Variants in PIK3C2G observed in about 807,000 individuals in gnomAD.
PIK3C2G encodes the protein phosphatidylinositol 3-kinase C2 domain-containing subunit gamma.
PIK3C2G carries 168 observed loss-of-function variants against 181.1 expected under a neutral mutation model. The observed-to-expected ratio is 0.93, with a 90% CI of 0.82 to 1.05. PIK3C2G has a LOEUF of 1.05. PIK3C2G is among the 50% of genes least tolerant of loss of function. The pLI is 0.00. For missense variants in PIK3C2G, 1,869 were observed against 1,732.8 expected (o/e 1.08, Z -1.40); for synonymous variants, 573 against 592.2 (o/e 0.97, Z 0.47).
At chr12:18,516,826 CTCTG>C (rs1184422023) in intron 24 of PIK3C2G, among the ~76,000 whole-genome samples, 3 of 151,718 alleles carry the variant, frequency 2.0e-5, no homozygotes, top group African/African-American at 7.2e-5. Context: ...TAAATTGTTC[CTCTG>C]TCTTTGTCAA....
At chr12:18,606,874 A>C (rs915043171) in intron 30 of PIK3C2G, among the ~76,000 whole-genome samples, 1 of 152,148 alleles carries the variant, frequency 6.6e-6, no homozygotes, top group Admixed American at 6.5e-5. Context: ...GTAAACAATA[A>C]ATTTTTAATT....
the PIK3C2G span, chr12:18,701,631 TC>T: frequency 1.9e-6 from 3 of 1,585,268 alleles, no homozygotes; most frequent in Non-Finnish European, 8.6e-7. Flanking sequence ...CTCCTCCTCC[TC>T]CTCCTCCTCC....
rs1251371295 is a variant in PIK3C2G at position 18,286,934 on chromosome 12, G to C, written c.761+5G>C. On this transcript the variant is annotated splice_donor_5th_base_variant and intron_variant, in intron 3 of 32. Transcript: ENST00000538779. ...TTTTTGCAACAAAGTAAAAAAGTGAGTACTGGTATTTCATTAAACTTTGAA... is the reference window on the plus strand; with the variant it reads ...TTTTTGCAACAAAGTAAAAAAGTGACTACTGGTATTTCATTAAACTTTGAA... 8.0e-6 allele frequency: 12 copies of C among 1,493,062 alleles called. No homozygotes were observed. Among genetic ancestry groups the C allele is most frequent in the African/African-American group, 1.4e-5 (1 of 71,224 alleles). 92.5% of individuals were successfully genotyped at this position (1,493,062 alleles called of 1,614,324 possible).
At chr12:18,309,802 A>G (rs940810735) in intron 5 of PIK3C2G, among the ~76,000 whole-genome samples, 1 of 151,814 alleles carries the variant, frequency 6.6e-6, no homozygotes, top group African/African-American at 2.4e-5. Context: ...TTGTAGCTCC[A>G]GGGTTTTGTA....
chr12:18,374,647 A>G (rs1483027607), intron 13 of PIK3C2G, among the ~76,000 whole-genome samples: 2 of 152,030 alleles, frequency 1.3e-5, no homozygotes, highest in Non-Finnish European at 2.9e-5. Flanking sequence ...ACACTTCACT[A>G]CCCTACAAGA....
intron 18 of PIK3C2G, among the ~76,000 whole-genome samples, chr12:18,485,140 A>G (rs1460984011): frequency 6.6e-6 from 1 of 152,154 alleles, no homozygotes; most frequent in Non-Finnish European, 1.5e-5. Context: ...CCTGCTGTTG[A>G]AAACTAAAAT....
intron 31 of PIK3C2G, among the ~76,000 whole-genome samples, chr12:18,629,483 T>G (rs1949252418): frequency 6.6e-6 from 1 of 152,108 alleles, no homozygotes; most frequent in African/African-American, 2.4e-5. Flanking sequence ...GGAACACAAT[T>G]AGAGATGAAG....
chr12:18,310,860 CAA>C (rs993304148), intron 5 of PIK3C2G, among the ~76,000 whole-genome samples: 6 of 151,802 alleles, frequency 4.0e-5, no homozygotes, highest in African/African-American at 1.4e-4. Flanking sequence ...GATTAAAAGT[CAA>C]AGACTCAAAA....
chr12:18,613,828 T>A (rs1948465306), intron 31 of PIK3C2G, among the ~76,000 whole-genome samples: 2 of 152,010 alleles, frequency 1.3e-5, no homozygotes, highest in Admixed American at 6.6e-5. Context: ...CTACACACAA[T>A]GTGGTGAGTT....
intron 24 of PIK3C2G, among the ~76,000 whole-genome samples, chr12:18,520,263 T>C (rs913937543): frequency 5.3e-5 from 8 of 152,058 alleles, no homozygotes; most frequent in Non-Finnish European, 1.2e-4. Flanking sequence ...AATATTGGCC[T>C]GTCTTGCTAG....
chr12:18,587,876 A>T (rs1467964149), intron 29 of PIK3C2G, among the ~76,000 whole-genome samples: 1 of 152,018 alleles, frequency 6.6e-6, no homozygotes, highest in Non-Finnish European at 1.5e-5. Flanking sequence ...CAGTAACTAA[A>T]ACAGCATGGT....
chr12:18,479,543 C>T (rs1347737547), intron 18 of PIK3C2G, among the ~76,000 whole-genome samples: 1 of 152,108 alleles, frequency 6.6e-6, no homozygotes, highest in Non-Finnish European at 1.5e-5. Flanking sequence ...CCTAACACAG[C>T]TATGCAAAAT....
chr12:18,291,476 G>A (rs2137199780), intron 4 of PIK3C2G, among the ~76,000 whole-genome samples: 1 of 152,090 alleles, frequency 6.6e-6, no homozygotes, highest in African/African-American at 2.4e-5. Context: ...ACCTCCATCA[G>A]AATTAGCAAA....
chr12:18,533,779 C>A (rs1227746064), intron 24 of PIK3C2G, among the ~76,000 whole-genome samples: 1 of 151,734 alleles, frequency 6.6e-6, no homozygotes, highest in Non-Finnish European at 1.5e-5. Context: ...AGAAATATAC[C>A]CTAAAACTCT....
At chr12:18,343,996 A>C (rs1382444378) in intron 10 of PIK3C2G, among the ~76,000 whole-genome samples, 1 of 152,134 alleles carries the variant, frequency 6.6e-6, no homozygotes, top group Non-Finnish European at 1.5e-5. Context: ...TCAAATCTCA[A>C]CTGGTTTTGA....
At chr12:18,444,387 G>C (rs1397824093) in intron 18 of PIK3C2G, among the ~76,000 whole-genome samples, 1 of 152,072 alleles carries the variant, frequency 6.6e-6, no homozygotes. Flanking sequence ...ATGTATGTCT[G>C]CATCTTACGA....
At chr12:18,588,413 C>G (rs1946901221) in intron 29 of PIK3C2G, among the ~76,000 whole-genome samples, 2 of 151,854 alleles carry the variant, frequency 1.3e-5, no homozygotes, top group South Asian at 4.1e-4. Context: ...AAAAAACAAC[C>G]CCATTAAAAT....
the PIK3C2G span, among the ~76,000 whole-genome samples, chr12:18,668,961 T>G: frequency 6.6e-6 from 1 of 151,840 alleles, no homozygotes; most frequent in African/African-American, 2.4e-5. Context: ...GAATAAGAGA[T>G]TAAGAGAGAA....
the PIK3C2G span, among the ~76,000 whole-genome samples, chr12:18,663,657 T>G: frequency 6.6e-6 from 1 of 150,470 alleles, no homozygotes; most frequent in African/African-American, 2.4e-5. Context: ...AAAAAAAACA[T>G]AGGACAAAAG....
Sources: allele counts gnomAD v4.1 joint callset (sites outside exome capture counted in the v4.1 genomes callset), GRCh38; gene constraint gnomAD v4.1.1; transcripts MANE v1.5; gene names NCBI Gene and HGNC (gene_info 2026-07-23, HGNC 2026-07-21).